FBXW10B: variants seen among roughly 807,000 people sequenced by gnomAD.
The protein encoded by FBXW10B is F-box and WD repeat domain containing 10B, also known as F-box and WD repeat domain containing protein 10B.
chr17:15,582,540 A>G, the FBXW10B span, among the ~76,000 whole-genome samples: 632 of 151,938 alleles, frequency 4.2e-3, 8 homozygotes, highest in African/African-American at 0.014. Context: ...TTTCTACTTA[A>G]CAGTTCCAAA....
At chr17:15,611,347 G>A in the FBXW10B span, among the ~76,000 whole-genome samples, 1 of 152,286 alleles carries the variant, frequency 6.6e-6, no homozygotes, top group South Asian at 2.1e-4. Context: ...TTTGGCCTAT[G>A]TAGTTTTTAA....
the FBXW10B span, among the ~76,000 whole-genome samples, chr17:15,611,406 C>T: frequency 6.6e-6 from 1 of 152,202 alleles, no homozygotes; most frequent in East Asian, 1.9e-4. Context: ...AGAGATTTCA[C>T]ATAATACCTC....
At chr17:15,597,667 A>C in the FBXW10B span, among the ~76,000 whole-genome samples, 34 of 152,264 alleles carry the variant, frequency 2.2e-4, no homozygotes, top group Admixed American at 1.3e-4. Flanking sequence ...AGATGTTGAA[A>C]GTGATCTCTA....
At chr17:15,578,417 T>C in the FBXW10B span, among the ~76,000 whole-genome samples, 1 of 151,736 alleles carries the variant, frequency 6.6e-6, no homozygotes, top group Non-Finnish European at 1.5e-5. Flanking sequence ...TCTTTATAAA[T>C]TGTGTTTTAT....
chr17:15,573,925 G>A, the FBXW10B span: 3 of 463,088 alleles, frequency 6.5e-6, no homozygotes, highest in Non-Finnish European at 1.1e-5. Flanking sequence ...TCAATGCAAT[G>A]ACATTGTCAT....
the FBXW10B span, among the ~76,000 whole-genome samples, chr17:15,615,328 T>C: frequency 8.7e-6 from 1 of 114,794 alleles, no homozygotes; most frequent in Non-Finnish European, 1.7e-5. Context: ...TTTCTTTTTT[T>C]TTTTTTTTTT....
chr17:15,611,257 C>A, the FBXW10B span, among the ~76,000 whole-genome samples: 23 of 152,152 alleles, frequency 1.5e-4, no homozygotes, highest in African/African-American at 5.3e-4. Context: ...CTCCTGACCT[C>A]GTGATCCGCC....
At chr17:15,567,559 A>T in the FBXW10B span, among the ~76,000 whole-genome samples, 1 of 152,120 alleles carries the variant, frequency 6.6e-6, no homozygotes. Context: ...TTAATGGTCA[A>T]CCTAGAAGAA....
chr17:15,570,535 G>C, the FBXW10B span, among the ~76,000 whole-genome samples: 1 of 152,240 alleles, frequency 6.6e-6, no homozygotes, highest in East Asian at 1.9e-4. Context: ...AGACTACACT[G>C]TGAAGGCTGT....
At chr17:15,580,417 A>C in the FBXW10B span, among the ~76,000 whole-genome samples, 1 of 151,650 alleles carries the variant, frequency 6.6e-6, no homozygotes, top group Admixed American at 6.6e-5. Flanking sequence ...GCAGCAGTGC[A>C]AGAGCACCAA....
the FBXW10B span, among the ~76,000 whole-genome samples, chr17:15,587,223 G>A: frequency 2.6e-4 from 40 of 151,104 alleles, 1 homozygote; most frequent in South Asian, 2.1e-3. Flanking sequence ...ATTATTGAGG[G>A]TGCCTGAGTG....
At chr17:15,569,272 T>C in the FBXW10B span, among the ~76,000 whole-genome samples, 254 of 152,090 alleles carry the variant, frequency 1.7e-3, no homozygotes, top group African/African-American at 5.9e-3. Flanking sequence ...GTGTAAGAGT[T>C]CCCTTTCCTC....
chr17:15,593,390 T>C, the FBXW10B span: 32 of 1,614,222 alleles, frequency 2.0e-5, no homozygotes, highest in Non-Finnish European at 2.7e-5. Flanking sequence ...CATTGGCTTT[T>C]ATCACCTTCA....
the FBXW10B span, among the ~76,000 whole-genome samples, chr17:15,585,289 A>G: frequency 6.6e-6 from 1 of 152,186 alleles, no homozygotes; most frequent in Non-Finnish European, 1.5e-5. Flanking sequence ...CATATGACGT[A>G]TGAGGGAACT....
the FBXW10B span, among the ~76,000 whole-genome samples, chr17:15,575,318 G>A: frequency 1.4e-5 from 2 of 140,114 alleles, no homozygotes; most frequent in Non-Finnish European, 2.9e-5. Context: ...AATGGAGGTT[G>A]TGGGGCCTGA....
At chr17:15,585,918 C>T in the FBXW10B span, among the ~76,000 whole-genome samples, 5 of 151,788 alleles carry the variant, frequency 3.3e-5, no homozygotes, top group Admixed American at 3.3e-4. Flanking sequence ...CCATATTTCA[C>T]CTCCTGTTAT....
At chr17:15,595,302 T>C in the FBXW10B span, among the ~76,000 whole-genome samples, 1 of 151,616 alleles carries the variant, frequency 6.6e-6, no homozygotes, top group Non-Finnish European at 1.5e-5. Flanking sequence ...ATCTCACCAC[T>C]GTGCTCCAGC....
chr17:15,578,141 C>G, the FBXW10B span, among the ~76,000 whole-genome samples: 3 of 152,104 alleles, frequency 2.0e-5, no homozygotes, highest in African/African-American at 7.3e-5. Flanking sequence ...TAATTAGACA[C>G]GTTCACAGAA....
chr17:15,590,102 A>C, the FBXW10B span, among the ~76,000 whole-genome samples: 2 of 149,952 alleles, frequency 1.3e-5, no homozygotes, highest in African/African-American at 2.5e-5. Context: ...GCCCGACCCC[A>C]CCGCTCATGA....
Sources: allele counts gnomAD v4.1 joint callset (sites outside exome capture counted in the v4.1 genomes callset), GRCh38; gene constraint gnomAD v4.1.1; transcripts MANE v1.5; gene names NCBI Gene and HGNC (gene_info 2026-07-23, HGNC 2026-07-21).